The following ANO10 variants were observed in gnomAD, a reference collection of about 807,000 sequenced individuals.
ANO10 encodes anoctamin 10, also known as anoctamin-10.
Under a neutral mutation model 74.7 loss-of-function variants are expected in ANO10, and 77 were observed. The observed-to-expected ratio is 1.03, with a 90% CI of 0.86 to 1.25. The LOEUF (loss-of-function observed/expected upper bound fraction) is 1.25. ANO10 is among the 50% of genes most tolerant of loss of function. The pLI, the probability that ANO10 is intolerant of heterozygous loss-of-function variation, is 0.00. For missense variants in ANO10, 721 were observed against 778.1 expected (o/e 0.93, Z 0.87); for synonymous variants, 279 against 284.9 (o/e 0.98, Z 0.21).
intron 12 of ANO10, among the ~76,000 whole-genome samples, chr3:43,430,971 G>A (rs1459524449): frequency 6.6e-6 from 1 of 151,642 alleles, no homozygotes; most frequent in African/African-American, 2.4e-5. Flanking sequence ...ATTATTTCTT[G>A]TGAAAAGAAA....
At chr3:43,580,162 T>C (rs950846756) in intron 5 of ANO10, among the ~76,000 whole-genome samples, 191 bp downstream of exon 5, 5 of 147,560 alleles carry the variant, frequency 3.4e-5, no homozygotes, top group African/African-American at 1.2e-4. Flanking sequence ...AAAAAAAAAG[T>C]TTAAAAAAAG....
chr3:43,554,356 C>T (rs1382130767), intron 10 of ANO10, among the ~76,000 whole-genome samples: 1 of 151,662 alleles, frequency 6.6e-6, no homozygotes, highest in African/African-American at 2.4e-5. Context: ...AGCATGCTGG[C>T]TAATTTTTGT....
chr3:43,566,067 G>C (rs1442782746), intron 7 of ANO10, among the ~76,000 whole-genome samples: 1 of 152,174 alleles, frequency 6.6e-6, no homozygotes, highest in African/African-American at 2.4e-5. Context: ...TCAAAGAAAG[G>C]GGTGACGGAC....
At chr3:43,569,241 G>T (rs1369118582) in intron 7 of ANO10, among the ~76,000 whole-genome samples, 1 of 122,600 alleles carries the variant, frequency 8.2e-6, no homozygotes, top group Non-Finnish European at 1.7e-5. Flanking sequence ...ATTCACAGCC[G>T]AATTCTACCA....
At chr3:43,595,106 T>C (rs1438983552) in intron 4 of ANO10, among the ~76,000 whole-genome samples, 1 of 152,114 alleles carries the variant, frequency 6.6e-6, no homozygotes, top group Non-Finnish European at 1.5e-5. Context: ...GACTCTGAAA[T>C]TGAGGCAACA....
chr3:43,503,791 A>G (rs1008060191), intron 11 of ANO10, among the ~76,000 whole-genome samples: 1 of 152,162 alleles, frequency 6.6e-6, no homozygotes, highest in African/African-American at 2.4e-5. Flanking sequence ...CTATCATACA[A>G]AGAGAGGTCT....
chr3:43,522,404 T>A (rs2077997072), intron 11 of ANO10, among the ~76,000 whole-genome samples: 1 of 152,314 alleles, frequency 6.6e-6, no homozygotes, highest in East Asian at 1.9e-4. Flanking sequence ...AATATTCTGG[T>A]GTTCTTTTCT....
At chr3:43,513,159 C>T (rs1300295542) in intron 11 of ANO10, among the ~76,000 whole-genome samples, 1 of 152,128 alleles carries the variant, frequency 6.6e-6, no homozygotes, top group African/African-American at 2.4e-5. Flanking sequence ...AACATCAGAC[C>T]AGGTTGGAAG....
intron 11 of ANO10, among the ~76,000 whole-genome samples, chr3:43,441,653 A>T (rs2093161593): frequency 6.6e-6 from 1 of 152,166 alleles, no homozygotes; most frequent in African/African-American, 2.4e-5. Context: ...TTCCAGACTC[A>T]TCTTATGAGG....
In ANO10 at chr3:43,485,209, G is replaced by C. The variant is rs1031019729; in HGVS notation, c.1798-52482C>G. 3 of 683,194 alleles carry C rather than the reference G, an allele frequency of 4.4e-6. No homozygotes were observed. In the African/African-American group the frequency reaches 5.3e-5, roughly 12 times the overall value. The allele number at this position is 683,194 out of a possible 1,614,324, so 42.3% of individuals were successfully genotyped here. On this transcript the variant is annotated intron_variant, in intron 11 of 12. Coordinates refer to ENST00000292246, the MANE Select transcript of ANO10 (RefSeq NM_018075.5). ...GCGGTGGTCAGGTACCGGTATTGCC[G>C]GTACATGTTGTAGGTGCAGCTCCGG...
intron 4 of ANO10, among the ~76,000 whole-genome samples, chr3:43,596,485 C>T (rs1378633995): frequency 6.6e-6 from 1 of 152,098 alleles, no homozygotes; most frequent in African/African-American, 2.4e-5. Flanking sequence ...TGACCTTTGA[C>T]AAACCTGACA....
chr3:43,611,719 C>T (rs1002778703), intron 1 of ANO10, among the ~76,000 whole-genome samples: 2 of 152,096 alleles, frequency 1.3e-5, no homozygotes, highest in African/African-American at 2.4e-5. Context: ...TTACTGGCTA[C>T]TAGTATAAAT....
intron 11 of ANO10, among the ~76,000 whole-genome samples, chr3:43,539,397 T>C (rs1330555033): frequency 1.3e-5 from 2 of 151,964 alleles, no homozygotes; most frequent in African/African-American, 2.4e-5. Context: ...TTAAAATAGA[T>C]AGGAAGTCAG....
intron 12 of ANO10, among the ~76,000 whole-genome samples, chr3:43,382,564 G>GAAAC (rs1026703920): frequency 5.3e-5 from 8 of 151,346 alleles, no homozygotes; most frequent in Non-Finnish European, 8.8e-5. Context: ...AGAACTAAAT[G>GAAAC]AAACAAACAA....
chr3:43,660,905 G>C (rs1349986609), intron 1 of ANO10, among the ~76,000 whole-genome samples: 1 of 152,160 alleles, frequency 6.6e-6, no homozygotes, highest in African/African-American at 2.4e-5. Context: ...GTTGAGCCGA[G>C]ATCATGTCAT....
At chr3:43,583,060 C>T (rs1213240803) in intron 4 of ANO10, among the ~76,000 whole-genome samples, 1 of 152,150 alleles carries the variant, frequency 6.6e-6, no homozygotes, top group Non-Finnish European at 1.5e-5. Flanking sequence ...AAGATGACTC[C>T]ATTCTACTGT....
At chr3:43,538,117 ACCTGGC>A (rs2078796760) in intron 11 of ANO10, among the ~76,000 whole-genome samples, 2 of 152,216 alleles carry the variant, frequency 1.3e-5, no homozygotes, top group East Asian at 3.8e-4. Context: ...TGATAGTTAG[ACCTGGC>A]CCTATTTTTG....
At chr3:43,567,496 T>C (rs1407883445) in intron 7 of ANO10, among the ~76,000 whole-genome samples, 3 of 151,816 alleles carry the variant, frequency 2.0e-5, no homozygotes, top group Non-Finnish European at 4.4e-5. Flanking sequence ...CGGCAGAAAC[T>C]CTACAAGCCA....
chr3:43,496,497 G>T (rs190278907), intron 11 of ANO10, among the ~76,000 whole-genome samples: 3 of 151,748 alleles, frequency 2.0e-5, no homozygotes, highest in African/African-American at 7.3e-5. Context: ...ACAGTGGCAC[G>T]ATCTTGGCTC....
Sources: gnomAD v4.1 joint callset for allele counts (sites outside exome capture counted in the v4.1 genomes callset) on GRCh38, gnomAD v4.1.1 for gene constraint, MANE v1.5 for transcripts, NCBI Gene and HGNC (gene_info 2026-07-23, HGNC 2026-07-21) for gene names.